Variants in SPTB observed in about 807,000 individuals in gnomAD.
SPTB encodes spectrin beta, erythrocytic.
SPTB carries 45 observed loss-of-function variants against 256.2 expected under a neutral mutation model. The ratio of observed to expected loss-of-function variants is 0.18; its 90% CI spans 0.14 to 0.23. The LOEUF is 0.23. Ranked by LOEUF, SPTB falls within the 10% of genes least tolerant of loss-of-function variation. The pLI is 1.00. For missense variants in SPTB, 2,715 were observed against 3,040.4 expected (o/e 0.89, Z 2.52); for synonymous variants, 1,231 against 1,243.1 (o/e 0.99, Z 0.21).
Position 64,778,349 on chromosome 14 carries a change from T to C in SPTB, c.4563+808A>G, listed in dbSNP as rs748662444. ...GAGCTGCAATACTAACCGGGCACTC[T>C]GGGACATGTCACTTTTATCTGGGAT... On this transcript the variant is annotated intron_variant, in intron 22 of 35. Transcript: ENST00000644917. The surrounding 1 kb of genome is among the most constrained non-coding windows in gnomAD (Gnocchi z 5.2). Among the ~76,000 whole-genome samples the C allele has an allele frequency of 6.6e-6, 1 of 152,174 alleles. No homozygotes were observed. The highest frequency in any genetic ancestry group is 1.9e-4 in the East Asian group (1 of 5,180).
Position 64,773,239 on chromosome 14 carries a change from T to C in SPTB, c.5159A>G (p.Gln1720Arg). The C allele has an allele frequency of 6.2e-7, 1 of 1,614,242 alleles. No homozygotes were observed. The highest frequency in any genetic ancestry group is 8.5e-7 in the Non-Finnish European group (1 of 1,180,054). ...ACTCACAGTCACGTGGTCAAAGTCT[T>C]GCCCCATTTCCGGGGAAGAGGCCAC... is the stretch of plus-strand genomic sequence containing the variant. ...ELVASSPEMG[Q>R]DFDHVTLLRD... The change falls in exon 25 of 36, where the codon CAA (glutamine) becomes CGA (arginine). Residue 1720 changes from glutamine (Q) to arginine (R), a missense_variant. By Grantham distance (43) the Gln-to-Arg change is conservative (BLOSUM62 1). This residue lies in a region of SPTB where 2,239 missense variants were observed against 2,384.4 expected (regional missense o/e 0.94). Coordinates refer to ENST00000644917, the MANE Select transcript of SPTB (RefSeq NM_001355436.2).
rs532112112 is a variant in SPTB at position 64,760,369 on chromosome 14, C to A, written c.6345+6357G>T. ...GTCCAGGCTCAACCAGCAGGTGGCGCGGGGGACTGCACACAGACAACAAAC... is the reference window on the plus strand; with the variant it reads ...GTCCAGGCTCAACCAGCAGGTGGCGAGGGGGACTGCACACAGACAACAAAC... On this transcript the variant is annotated intron_variant, in intron 32 of 35. Coordinates refer to ENST00000644917, the MANE Select transcript of SPTB (RefSeq NM_001355436.2). The surrounding 1 kb of genome is among the most constrained non-coding windows in gnomAD (Gnocchi z 4.3). 2.0e-5 allele frequency among the ~76,000 whole-genome samples: 3 copies of A among 152,140 alleles called. No homozygotes were observed. Among genetic ancestry groups the A allele is most frequent in the South Asian group, 2.1e-4 (1 of 4,816 alleles).
At chr14:64,830,616 T>G (rs769758362) in intron 1 of SPTB, among the ~76,000 whole-genome samples, 10 of 152,116 alleles carry the variant, frequency 6.6e-5, no homozygotes, top group Non-Finnish European at 1.0e-4. Context: ...TTGTTCGTCA[T>G]TTCTTTATGT....
intron 3 of SPTB, 122 bp downstream of exon 3, chr14:64,804,817 G>T: frequency 7.8e-7 from 1 of 1,275,898 alleles, no homozygotes; most frequent in Non-Finnish European, 1.1e-6. Flanking sequence ...AAGTATTAGA[G>T]CCTCCCAAAG....
chr14:64,842,033 T>C (rs1268830471), intron 1 of SPTB, among the ~76,000 whole-genome samples: 1 of 152,204 alleles, frequency 6.6e-6, no homozygotes, highest in Non-Finnish European at 1.5e-5. Flanking sequence ...CTGAGCTGCT[T>C]GCAAAGTAAC....
At position 64,807,707 on chromosome 14, in the gene SPTB, G is replaced by A. The variant is rs11851715; in HGVS notation, c.149-2617C>T. ...TGGCATGCTCAGCACATTCACTCCC[G>A]CACAGCCCAGATGCTCATCCCAAGC... On this transcript the variant is annotated intron_variant, in intron 2 of 35. Transcript: ENST00000644917. This position sits in a 1 kb window ranked among gnomAD's most constrained non-coding sequence, Gnocchi z 4.7. Among the ~76,000 whole-genome samples the A allele has an allele frequency of 0.033, 5,028 of 152,348 alleles. 124 individuals are homozygous for A. Among genetic ancestry groups the A allele is most frequent in the South Asian group, 0.12 (584 of 4,826 alleles).
intron 22 of SPTB, among the ~76,000 whole-genome samples, chr14:64,776,902 A>T (rs1180949506): frequency 6.6e-6 from 1 of 152,240 alleles, no homozygotes; most frequent in Non-Finnish European, 1.5e-5. Flanking sequence ...CAATATAGAA[A>T]CAAGAGAAAT....
chr14:64,879,853 G>C lies in SPTB; in HGVS notation c.-113C>G, dbSNP rs1417513155. The stretch of plus-strand genomic sequence containing the variant: ...GGGGGTGGCGGCGGCGGCGGCGCAG[G>C]GGGAGGAGGGCAGCGCGGGGCTCCT... On this transcript the variant is annotated 5_prime_UTR_variant, in exon 1 of 36. Transcript: ENST00000644917. The C allele has an allele frequency of 2.6e-5, 4 of 153,636 alleles. No homozygotes were observed. Among genetic ancestry groups the C allele is most frequent in the East Asian group, 3.9e-4 (2 of 5,104 alleles). 9.5% of individuals were successfully genotyped at this position (153,636 alleles called of 1,614,324 possible). A position where few individuals can be genotyped will look rare whatever the true frequency, so the allele number is the denominator to read the frequency against.
At chr14:64,819,886 C>T (rs1167918684) in intron 2 of SPTB, among the ~76,000 whole-genome samples, 1 of 152,086 alleles carries the variant, frequency 6.6e-6, no homozygotes, top group Non-Finnish European at 1.5e-5. Flanking sequence ...TAAAAACTTC[C>T]GTAAACTTTA....
chr14:64,863,410 T>C (rs1016953879), intron 1 of SPTB, among the ~76,000 whole-genome samples: 2 of 152,228 alleles, frequency 1.3e-5, no homozygotes, highest in Non-Finnish European at 2.9e-5. Flanking sequence ...CCACAGGCCA[T>C]GGGTTAAACA....
chr14:64,761,151 C>T (rs2082087797), intron 32 of SPTB, among the ~76,000 whole-genome samples: 1 of 152,206 alleles, frequency 6.6e-6, no homozygotes, highest in South Asian at 2.1e-4. Context: ...AGAAGTGACT[C>T]TGGCCGCCAA....
Position 64,807,822 on chromosome 14 carries a change from G to T in SPTB, c.149-2732C>A, listed in dbSNP as rs1416714069. On this transcript the variant is annotated intron_variant, in intron 2 of 35. Coordinates refer to ENST00000644917, the MANE Select transcript of SPTB (RefSeq NM_001355436.2). The surrounding 1 kb of genome is among the most constrained non-coding windows in gnomAD (Gnocchi z 4.7). ...AGGAAGAGAGGTGGCTGTACACTGG[G>T]CCTGCTGTCCCCAGGGGACCCAGGC... Among the ~76,000 whole-genome samples the T allele has an allele frequency of 1.3e-5, 2 of 152,224 alleles. No homozygotes were observed. Among genetic ancestry groups the T allele is most frequent in the Non-Finnish European group, 2.9e-5 (2 of 68,040 alleles).
At chr14:64,780,332 T>C (rs1465412608) in intron 20 of SPTB, among the ~76,000 whole-genome samples, 1 of 152,244 alleles carries the variant, frequency 6.6e-6, no homozygotes, top group Non-Finnish European at 1.5e-5. Context: ...TTAAAATGGC[T>C]ATACTGCTCA....
chr14:64,807,636 G>A lies in SPTB; in HGVS notation c.149-2546C>T, dbSNP rs773695195. Among the ~76,000 whole-genome samples the A allele has an allele frequency of 6.6e-6, 1 of 152,256 alleles. No individual in the cohort carries two copies. Among genetic ancestry groups the A allele is most frequent in the Non-Finnish European group, 1.5e-5 (1 of 68,052 alleles). ...ATTGGAAGGGGAGAAAAGGCCCCAA[G>A]GTGAGAGGCATTTCCATGAGCTGGC... On this transcript the variant is annotated intron_variant, in intron 2 of 35. Coordinates refer to ENST00000644917, the MANE Select transcript of SPTB (RefSeq NM_001355436.2). This position sits in a 1 kb window ranked among gnomAD's most constrained non-coding sequence, Gnocchi z 4.7.
rs781399563 is a variant in SPTB, at chr14:64,750,164, T to G, written c.6603-10A>C. 49 of 1,609,008 alleles carry G rather than the reference T, an allele frequency of 3.0e-5. No homozygotes were observed. In the East Asian group the frequency reaches 1.1e-3, roughly 36 times the overall value. On this transcript the variant is annotated splice_polypyrimidine_tract_variant and intron_variant, in intron 33 of 35. Coordinates refer to ENST00000644917, the MANE Select transcript of SPTB (RefSeq NM_001355436.2). ...CAGGTTGTTCCAGGACCTGCAAAGA[T>G]GCAGACAGGCAGGTCACCCACATCC...
chr14:64,879,189 C>A (rs1000945112), intron 1 of SPTB, among the ~76,000 whole-genome samples: 1 of 147,052 alleles, frequency 6.8e-6, no homozygotes, highest in African/African-American at 2.5e-5. Context: ...TGGCTTGGGG[C>A]ACTAGGATCT....
At position 64,800,052 on chromosome 14, in the gene SPTB, G is replaced by A. The variant is rs558659354; in HGVS notation, c.877-118C>T. ...GGGCTCCCACCTCCTAAGCCCTGGA[G>A]TGCTCTAGGCTGGGTTTGTTCCCTG... is the stretch of plus-strand genomic sequence containing the variant. On this transcript the variant is annotated intron_variant, in intron 8 of 35. Transcript: ENST00000644917. 8.5e-6 allele frequency: 11 copies of A among 1,301,384 alleles called. No individual in the cohort carries two copies. The South Asian group carries it at 1.3e-4, about 16-fold the overall frequency. 80.6% of individuals were successfully genotyped at this position (1,301,384 alleles called of 1,614,324 possible).
At position 64,779,844 on chromosome 14, in the gene SPTB, C is replaced by T. The variant is rs997243304; in HGVS notation, c.4354G>A (p.Ala1452Thr). Residue 1452 changes from alanine (A) to threonine (T), a missense_variant, in exon 21 of 36, where the codon GCA (alanine) becomes ACA (threonine). By Grantham distance (58) the Ala-to-Thr change is moderately conservative. This residue lies in a region of SPTB where 2,239 missense variants were observed against 2,384.4 expected (regional missense o/e 0.94). Coordinates refer to ENST00000644917, the MANE Select transcript of SPTB (RefSeq NM_001355436.2). This position sits in a 1 kb window ranked among gnomAD's most constrained non-coding sequence, Gnocchi z 4.2. ...VPSMGEEGGDADLSIEKRFLD... is the reference protein window; with the variant it reads ...VPSMGEEGGDTDLSIEKRFLD... ...AACCGCTTCTCGATGCTCAAGTCTG[C>T]ATCTCCTCCCTCCTCTCCCATTGAA... 1 of 1,614,070 alleles carries T rather than the reference C, an allele frequency of 6.2e-7. No homozygotes were observed. The highest frequency in any genetic ancestry group is 1.3e-5 in the African/African-American group (1 of 74,926).
At chr14:64,848,179 C>T (rs893149852) in intron 1 of SPTB, among the ~76,000 whole-genome samples, 6 of 152,198 alleles carry the variant, frequency 3.9e-5, no homozygotes, top group Non-Finnish European at 1.5e-5. Context: ...TCCCATTTTA[C>T]CTTCCACAAA....
Sources: gnomAD v4.1 joint callset for allele counts (sites outside exome capture counted in the v4.1 genomes callset) on GRCh38, gnomAD v4.1.1 for gene constraint, gnomAD v4.1.1 regional missense constraint, Gnocchi (gnomAD v3.1) non-coding constraint, MANE v1.5 for transcripts, NCBI Gene and HGNC (gene_info 2026-07-23, HGNC 2026-07-21) for gene names.